The following DNAH2 variants were observed in gnomAD, a reference collection of about 807,000 sequenced individuals.
DNAH2 encodes the protein dynein axonemal heavy chain 2.
In DNAH2, 323 loss-of-function variants were observed where a neutral mutation model predicts 523.5. The observed-to-expected ratio is 0.62, with a 90% CI of 0.56 to 0.68. The LOEUF (loss-of-function observed/expected upper bound fraction) is 0.68, where lower values mean the gene tolerates loss of function less well. DNAH2 is among the 30% of genes least tolerant of loss of function. The probability of loss-of-function intolerance (pLI) is 0.00; values close to 1 mark genes in which losing one functional copy is unlikely to be tolerated. For synonymous variants in DNAH2, 2,093 were observed against 2,177.4 expected, an observed-to-expected ratio of 0.96 and a Z score of 1.08; for missense variants, 4,907 against 5,701.5, an observed-to-expected ratio of 0.86 and a Z score of 4.49.
At chr17:7,784,252 C>G (rs1211598131) in intron 39 of DNAH2, among the ~76,000 whole-genome samples, 2 of 151,984 alleles carry the variant, frequency 1.3e-5, no homozygotes, top group African/African-American at 4.8e-5. Flanking sequence ...AGAGACAAAT[C>G]TAGTATCATA....
chr17:7,792,631 G>A (rs2076930037), intron 46 of DNAH2, 26 bp from the exon 47 acceptor site: 2 of 1,600,102 alleles, frequency 1.2e-6, no homozygotes, highest in East Asian at 2.2e-5. Flanking sequence ...GCTGGTCCTT[G>A]AGAGCCGGCC....
At chr17:7,805,510 G>T in intron 61 of DNAH2, 117 bp downstream of exon 61, 1 of 1,444,974 alleles carries the variant, frequency 6.9e-7, no homozygotes. Flanking sequence ...TTACCCTCAA[G>T]AGCACAGGGC....
rs758290558 is a variant in DNAH2, at chr17:7,819,399, C to T, written c.11006C>T (p.Ala3669Val). Reference sequence around the variant, plus strand: ...TACCTGAATGACTACCACACCTACGCTGTCTACAGGTCTGAGGGTGCCCCC... The same window carrying T: ...TACCTGAATGACTACCACACCTACGTTGTCTACAGGTCTGAGGGTGCCCCC... ...IDYLNDYHTY[A>V]VYRYTCRTLF... The change falls in exon 72 of 86, where the codon GCT becomes GTT. Residue 3669 changes from alanine (A) to valine (V), a missense_variant. By Grantham distance (64) the Ala-to-Val change is moderately conservative (BLOSUM62 0). Around this residue, in one of 3 missense-constraint regions of DNAH2, gnomAD observed 1,851 missense variants for 2,139.4 expected, o/e 0.87. Transcript: ENST00000572933. The T allele has an allele frequency of 6.2e-7, 1 of 1,614,278 alleles. No homozygotes were observed. The highest frequency in any genetic ancestry group is 8.5e-7 in the Non-Finnish European group (1 of 1,180,058).
intron 56 of DNAH2, among the ~76,000 whole-genome samples, chr17:7,800,783 C>T (rs953303038): frequency 3.4e-5 from 5 of 148,808 alleles, no homozygotes; most frequent in Admixed American, 1.3e-4. Context: ...AGGAGAATGG[C>T]GTGAACCTGG....
Position 7,786,619 on chromosome 17 carries a change from A to T in DNAH2, c.6398A>T (p.Glu2133Val). Reference sequence around the variant, plus strand: ...TTGTCCCTAGGGGAACTGTATGGGGAATATGACCTCAGCACCAATGAATGG... The same window carrying T: ...TTGTCCCTAGGGGAACTGTATGGGGTATATGACCTCAGCACCAATGAATGG... The part of the protein sequence containing the change: ...KALSLGELYG[E>V]YDLSTNEWTD... Residue 2133 changes from glutamate (E) to valine (V), a missense_variant, in exon 41 of 86, where the codon GAA (glutamate) becomes GTA (valine). Physicochemically the swap from Glu to Val is moderately radical, Grantham distance 121 (BLOSUM62 -2). Coordinates refer to ENST00000572933, the MANE Select transcript of DNAH2 (RefSeq NM_020877.5). This position sits in a 1 kb window ranked among gnomAD's most constrained non-coding sequence, Gnocchi z 7.5. The T allele has an allele frequency of 6.2e-7, 1 of 1,614,056 alleles. No homozygotes were observed. The highest frequency in any genetic ancestry group is 8.5e-7 in the Non-Finnish European group (1 of 1,180,032).
chr17:7,725,302 C>T, intron 3 of DNAH2, among the ~76,000 whole-genome samples: 2 of 151,152 alleles, frequency 1.3e-5, no homozygotes, highest in Non-Finnish European at 2.9e-5. Flanking sequence ...GTTGGCCAGG[C>T]TGGTCTTGAA....
At chr17:7,730,109 T>TG in intron 4 of DNAH2, among the ~76,000 whole-genome samples, 1 of 146,566 alleles carries the variant, frequency 6.8e-6, no homozygotes, top group South Asian at 2.1e-4. Flanking sequence ...TACCACAACT[T>TG]AATAAGACCA....
At chr17:7,787,283 G>A (rs113160523) in intron 42 of DNAH2, 332 of 556,546 alleles carry the variant, frequency 6.0e-4, no homozygotes, top group African/African-American at 5.3e-3. Flanking sequence ...GGCCCTCCTC[G>A]GCTCGTTCTC....
At chr17:7,813,384 C>A (rs1055896617) in intron 63 of DNAH2, among the ~76,000 whole-genome samples, 1 of 151,878 alleles carries the variant, frequency 6.6e-6, no homozygotes, top group Non-Finnish European at 1.5e-5. Context: ...AGCCACCATG[C>A]CTGGCCTTGT....
intron 10 of DNAH2, 96 bp from the exon 11 acceptor site, chr17:7,740,714 A>T: frequency 3.3e-6 from 5 of 1,535,540 alleles, no homozygotes. Context: ...CGGGAGTGTG[A>T]CTCCCGCAGC....
In DNAH2 at chr17:7,823,608, C is replaced by T. The variant is rs764717426; in HGVS notation, c.11309C>T (p.Pro3770Leu). ...CACCTGTGGTATACCAATGCTGCCCCGGAGAAGGCGATGCTGCCAGGTACC... is the reference window on the plus strand; with the variant it reads ...CACCTGTGGTATACCAATGCTGCCCTGGAGAAGGCGATGCTGCCAGGTACC... ...DWHLWYTNAAPEKAMLPGEWE... is the reference protein window; with the variant it reads ...DWHLWYTNAALEKAMLPGEWE... Residue 3770 changes from proline to leucine, a missense_variant, in exon 74 of 86, where the codon CCG (proline) becomes CTG (leucine). By Grantham distance (98) the Pro-to-Leu change is moderately conservative. Coordinates refer to ENST00000572933, the MANE Select transcript of DNAH2 (RefSeq NM_020877.5). The T allele has an allele frequency of 8.1e-6, 13 of 1,613,924 alleles. No homozygotes were observed. Among genetic ancestry groups the T allele is most frequent in the East Asian group, 2.2e-5 (1 of 44,896 alleles).
Position 7,780,077 on chromosome 17 carries a change from G to A in DNAH2, c.5723-80G>A, listed in dbSNP as rs571301501. On this transcript the variant is annotated intron_variant, in intron 36 of 85. Coordinates refer to ENST00000572933, the MANE Select transcript of DNAH2 (RefSeq NM_020877.5). This position sits in a 1 kb window ranked among gnomAD's most constrained non-coding sequence, Gnocchi z 4.4. ...ATGGAGTTAGGGTGGGAGAAAATGA[G>A]ACTGATTGGAAAGTGGGTTTGGGGA... The A allele has an allele frequency of 3.9e-6, 6 of 1,546,510 alleles. No individual in the cohort carries two copies. In the South Asian group the frequency reaches 6.1e-5, roughly 16 times the overall value.
intron 12 of DNAH2, 102 bp downstream of exon 12, chr17:7,743,244 T>C (rs1490996416): frequency 8.2e-7 from 1 of 1,225,664 alleles, no homozygotes; most frequent in Non-Finnish European, 1.2e-6. Context: ...ATTCTCTCTC[T>C]TTCTCATACA....
intron 3 of DNAH2, 27 bp downstream of exon 3, chr17:7,723,716 A>T (rs376060789): frequency 8.7e-5 from 139 of 1,605,562 alleles, no homozygotes; most frequent in Non-Finnish European, 1.2e-4. Context: ...CCTGTGGCAG[A>T]TATTCCTCCC....
intron 39 of DNAH2, among the ~76,000 whole-genome samples, chr17:7,782,392 T>C (rs1436952810): frequency 2.0e-5 from 3 of 152,246 alleles, no homozygotes; most frequent in Non-Finnish European, 4.4e-5. Context: ...TCATTTATCC[T>C]ACTGTGTAAT....
chr17:7,725,723 A>G (rs947127181), intron 3 of DNAH2, among the ~76,000 whole-genome samples: 8 of 117,232 alleles, frequency 6.8e-5, no homozygotes, highest in African/African-American at 2.3e-4. Context: ...TGTTGGGATT[A>G]CAGGCATGAG....
chr17:7,813,967 G>T (rs1367137683), intron 63 of DNAH2, among the ~76,000 whole-genome samples: 3 of 151,626 alleles, frequency 2.0e-5, no homozygotes, highest in Admixed American at 6.6e-5. Flanking sequence ...CATTATTTTA[G>T]GTCTAAGGAT....
chr17:7,759,010 A>C lies in DNAH2; in HGVS notation c.2334A>C (p.Glu778Asp). 6.2e-7 allele frequency: 1 copy of C among 1,614,192 alleles called. No homozygotes were observed. Among genetic ancestry groups the C allele is most frequent in the Non-Finnish European group, 8.5e-7 (1 of 1,180,028 alleles). The change falls in exon 15 of 86, where the codon GAA (glutamate) becomes GAC (aspartate). Residue 778 changes from glutamate (E) to aspartate (D), a missense_variant. By Grantham distance (45) the Glu-to-Asp change is conservative (BLOSUM62 2). Transcript: ENST00000572933. ...GGGTATACAGGGACCTGGAATTTGA[A>C]GAGGACCAAAGAGAGCATCGGGCAG... ...GKRVYRDLEF[E>D]EDQREHRAAV...
In DNAH2 at chr17:7,774,996, G is replaced by T. The variant is rs755900783; in HGVS notation, c.4719+20G>T. 6.2e-7 allele frequency: 1 copy of T among 1,610,970 alleles called. No individual in the cohort carries two copies. Among genetic ancestry groups the T allele is most frequent in the South Asian group, 1.1e-5 (1 of 90,958 alleles). On this transcript the variant is annotated intron_variant, in intron 29 of 85. Transcript: ENST00000572933. ...CAGAAGGTCAGTAGAAGTGGCCACAGTGAGATGCTGGGTGGCGAAGGGAGG... is the reference window on the plus strand; with the variant it reads ...CAGAAGGTCAGTAGAAGTGGCCACATTGAGATGCTGGGTGGCGAAGGGAGG...
Sources: allele counts gnomAD v4.1 joint callset (sites outside exome capture counted in the v4.1 genomes callset), GRCh38; gene constraint gnomAD v4.1.1; regional missense constraint gnomAD v4.1.1; non-coding constraint Gnocchi (gnomAD v3.1); transcripts MANE v1.5; gene names NCBI Gene and HGNC (gene_info 2026-07-23, HGNC 2026-07-21).